STAG1: variants seen among roughly 807,000 people sequenced by gnomAD.
STAG1 encodes STAG1 cohesin complex component.
A neutral mutation model predicts 170.9 loss-of-function variants in STAG1; 26 were observed. The ratio of observed to expected loss-of-function variants is 0.15; its 90% CI spans 0.11 to 0.21. STAG1 has a LOEUF of 0.21. Among genes scored for constraint, STAG1 ranks in the 10% least tolerant of loss-of-function variants. The pLI is 1.00. For missense variants in STAG1, 964 were observed against 1,509.5 expected, an observed-to-expected ratio of 0.64 and a Z score of 5.99; for synonymous variants, 514 against 497.7, an observed-to-expected ratio of 1.03 and a Z score of -0.44.
At chr3:136,369,396 A>G (rs1305833184) in intron 23 of STAG1, 114 bp from the exon 24 acceptor site, 7 of 725,148 alleles carry the variant, frequency 9.7e-6, no homozygotes, top group African/African-American at 9.4e-5. Context: ...CATAATATAA[A>G]TTTTCAGTAT....
chr3:136,746,687 C>T (rs971866661), intron 1 of STAG1, among the ~76,000 whole-genome samples: 1 of 152,162 alleles, frequency 6.6e-6, no homozygotes, highest in Non-Finnish European at 1.5e-5. Flanking sequence ...TCTCCTCAGT[C>T]GGGCGCAGTG....
intron 5 of STAG1, among the ~76,000 whole-genome samples, chr3:136,553,074 T>C (rs12695649): frequency 0.19 from 28,918 of 151,956 alleles, 3,138 homozygotes; most frequent in Non-Finnish European, 0.24. Flanking sequence ...AGAAAAGAAA[T>C]AAACTTACCA....
chr3:136,560,865 G>A (rs747736110), intron 5 of STAG1, among the ~76,000 whole-genome samples: 1 of 152,162 alleles, frequency 6.6e-6, no homozygotes. Flanking sequence ...TCACTCATGA[G>A]AAGATGTTTC....
intron 13 of STAG1, among the ~76,000 whole-genome samples, chr3:136,456,193 T>C (rs1340064354): frequency 6.6e-6 from 1 of 152,210 alleles, no homozygotes. Flanking sequence ...CTATGAAATG[T>C]CTGACAGGCA....
intron 13 of STAG1, among the ~76,000 whole-genome samples, chr3:136,455,465 T>G: frequency 6.6e-6 from 1 of 152,180 alleles, no homozygotes; most frequent in East Asian, 1.9e-4. Context: ...TTGCTCTCCT[T>G]GCTGGTCTGG....
At chr3:136,487,611 A>T (rs2090043369) in intron 9 of STAG1, among the ~76,000 whole-genome samples, 1 of 152,226 alleles carries the variant, frequency 6.6e-6, no homozygotes, top group Non-Finnish European at 1.5e-5. Context: ...CTAGTGCTCC[A>T]ATCCACTTTG....
intron 14 of STAG1, among the ~76,000 whole-genome samples, chr3:136,444,810 T>C (rs1171630166): frequency 1.3e-5 from 2 of 152,166 alleles, no homozygotes; most frequent in Non-Finnish European, 2.9e-5. Flanking sequence ...AGCACTTGAG[T>C]TGGATTTCCT....
chr3:136,652,390 T>G (rs566277331), intron 1 of STAG1, among the ~76,000 whole-genome samples: 1 of 152,370 alleles, frequency 6.6e-6, no homozygotes, highest in African/African-American at 2.4e-5. Flanking sequence ...AGAACACATT[T>G]TAAGTGATAA....
intron 13 of STAG1, among the ~76,000 whole-genome samples, chr3:136,462,567 T>C (rs569770222): frequency 3.3e-5 from 5 of 152,252 alleles, no homozygotes; most frequent in Admixed American, 2.6e-4. Flanking sequence ...GGTTCAAAAA[T>C]ACAGTTAGAA....
intron 6 of STAG1, among the ~76,000 whole-genome samples, chr3:136,526,897 C>T (rs1935058792): frequency 6.6e-6 from 1 of 152,198 alleles, no homozygotes; most frequent in South Asian, 2.1e-4. Context: ...AAATTCTTTT[C>T]TTTAAGAATG....
intron 22 of STAG1, among the ~76,000 whole-genome samples, chr3:136,394,606 T>C (rs2087098851): frequency 6.6e-6 from 1 of 151,530 alleles, no homozygotes; most frequent in Non-Finnish European, 1.5e-5. Context: ...TGAAACCCCA[T>C]CTCTACAAAA....
chr3:136,560,758 C>G (rs1936806563), intron 5 of STAG1, among the ~76,000 whole-genome samples: 1 of 152,186 alleles, frequency 6.6e-6, no homozygotes, highest in Middle Eastern at 3.4e-3. Context: ...AATTAGAAAA[C>G]CAATACTGCA....
intron 23 of STAG1, among the ~76,000 whole-genome samples, chr3:136,373,523 T>C (rs1032069137): frequency 2.1e-4 from 32 of 152,322 alleles, no homozygotes; most frequent in African/African-American, 7.2e-4. Context: ...GCTTTGAATG[T>C]GTCCCAGAGA....
intron 5 of STAG1, among the ~76,000 whole-genome samples, chr3:136,562,993 C>G (rs905470227): frequency 6.6e-6 from 1 of 152,166 alleles, no homozygotes; most frequent in African/African-American, 2.4e-5. Context: ...TGAGTAGATT[C>G]AGACTATGCA....
Position 136,621,713 on chromosome 3 carries a change from T to A in STAG1, c.132+1433A>T, listed in dbSNP as rs138545323. Among the ~76,000 whole-genome samples the A allele has an allele frequency of 9.5e-3, 1,441 of 151,774 alleles. 8 individuals are homozygous for A. The highest frequency in any genetic ancestry group is 0.015 in the Non-Finnish European group (997 of 67,906). ...TTATTTTAAGGTTGGCCTGGAGGAGTAATTAATTAAAAATTCTGGCAAACA... is the reference window on the plus strand; with the variant it reads ...TTATTTTAAGGTTGGCCTGGAGGAGAAATTAATTAAAAATTCTGGCAAACA... On this transcript the variant is annotated intron_variant, in intron 3 of 33. Transcript: ENST00000383202.
chr3:136,680,479 G>C (rs1942296170), intron 1 of STAG1, among the ~76,000 whole-genome samples: 1 of 151,978 alleles, frequency 6.6e-6, no homozygotes, highest in Non-Finnish European at 1.5e-5. Flanking sequence ...CAGTAAAATG[G>C]AGTAATACGT....
rs537332887 is a variant in STAG1, at chr3:136,722,966, T to C, written c.-84+29229A>G. On this transcript the variant is annotated intron_variant, in intron 1 of 33. Transcript: ENST00000383202. ...GCCTCGGCCTCCCGAGGTGCCGGGA[T>C]TGCAGACGGAGTCTGGTTCACTCAG... Among the ~76,000 whole-genome samples, 4 of 152,330 alleles carry C rather than the reference T, an allele frequency of 2.6e-5. No individual in the cohort carries two copies. In the South Asian group the frequency reaches 8.3e-4, roughly 32 times the overall value.
At chr3:136,592,090 G>C (rs1276454609) in intron 4 of STAG1, among the ~76,000 whole-genome samples, 1 of 152,164 alleles carries the variant, frequency 6.6e-6, no homozygotes, top group Non-Finnish European at 1.5e-5. Context: ...GATGATGGAG[G>C]AAGTATCTGC....
intron 15 of STAG1, among the ~76,000 whole-genome samples, chr3:136,435,760 C>T (rs1432346583): frequency 6.6e-6 from 1 of 152,098 alleles, no homozygotes; most frequent in Non-Finnish European, 1.5e-5. Context: ...ACCTCTGCCG[C>T]CCAGGTTCCA....
Sources: gnomAD v4.1 joint callset for allele counts (sites outside exome capture counted in the v4.1 genomes callset) on GRCh38, gnomAD v4.1.1 for gene constraint, MANE v1.5 for transcripts, NCBI Gene and HGNC (gene_info 2026-07-23, HGNC 2026-07-21) for gene names.